The following NAALADL2 variants were observed in gnomAD, a reference collection of about 807,000 sequenced individuals.
NAALADL2 encodes the protein N-acetylated alpha-linked acidic dipeptidase like 2.
NAALADL2 carries 76 observed loss-of-function variants against 87.2 expected under a neutral mutation model. The observed-to-expected ratio is 0.87, with a 90% CI of 0.72 to 1.05. NAALADL2 has a LOEUF of 1.05. NAALADL2 is among the 50% of genes least tolerant of loss of function. The probability of loss-of-function intolerance (pLI) is 0.00; values close to 1 mark genes in which losing one functional copy is unlikely to be tolerated. For missense variants in NAALADL2, 1,089 were observed against 945.8 expected (o/e 1.15, Z -1.99); for synonymous variants, 354 against 331.0 (o/e 1.07, Z -0.75).
chr3:175,441,484 C>G (rs1424176480), intron 5 of NAALADL2, among the ~76,000 whole-genome samples: 3 of 152,110 alleles, frequency 2.0e-5, no homozygotes, highest in Non-Finnish European at 4.4e-5. Flanking sequence ...CAGTGCTGAT[C>G]TAATGTGCAT....
chr3:174,964,331 C>G (rs1237848855), intron 1 of NAALADL2, among the ~76,000 whole-genome samples: 1 of 151,780 alleles, frequency 6.6e-6, no homozygotes, highest in Non-Finnish European at 1.5e-5. Context: ...ATTTAAGAAG[C>G]CTAACAGATA....
intron 4 of NAALADL2, among the ~76,000 whole-genome samples, chr3:175,312,650 A>G (rs1758532113): frequency 6.6e-6 from 1 of 152,190 alleles, no homozygotes; most frequent in Admixed American, 6.5e-5. Context: ...TGAATTCAGA[A>G]AACTCAAGTT....
intron 2 of NAALADL2, among the ~76,000 whole-genome samples, chr3:174,677,292 C>T (rs1257974976): frequency 2.0e-5 from 3 of 151,974 alleles, no homozygotes; most frequent in Non-Finnish European, 4.4e-5. Context: ...TTAAAGTCCT[C>T]TCCTGGGACT....
At chr3:174,652,059 T>G (rs1042722427) in intron 2 of NAALADL2, among the ~76,000 whole-genome samples, 3 of 152,148 alleles carry the variant, frequency 2.0e-5, no homozygotes, top group African/African-American at 7.2e-5. Context: ...TCAAAGAAAG[T>G]TCAGCAAAGC....
intron 2 of NAALADL2, among the ~76,000 whole-genome samples, chr3:175,198,113 A>C (rs1739289662): frequency 1.3e-5 from 2 of 152,132 alleles, no homozygotes; most frequent in African/African-American, 4.8e-5. Flanking sequence ...ATTTAATCAT[A>C]GATCAATAAC....
intron 2 of NAALADL2, among the ~76,000 whole-genome samples, chr3:174,620,371 A>G (rs548985325): frequency 3.4e-4 from 51 of 152,158 alleles, no homozygotes; most frequent in African/African-American, 1.1e-3. Flanking sequence ...TAAAATTTTT[A>G]TGGGAAACAC....
rs533753274 is a variant in NAALADL2, at chr3:175,143,802, T to C, written c.545+46511T>C. On this transcript the variant is annotated intron_variant, in intron 2 of 13. Coordinates refer to ENST00000454872, the MANE Select transcript of NAALADL2 (RefSeq NM_207015.3). ...TTTAATGATGTGGAAGCTGCAGAAA[T>C]GGTTACCTCCTTACGCAATGACATA... Among the ~76,000 whole-genome samples, 14 of 152,036 alleles carry C rather than the reference T, an allele frequency of 9.2e-5. No individual in the cohort carries two copies. The South Asian group carries it at 2.7e-3, about 29-fold the overall frequency.
intron 2 of NAALADL2, among the ~76,000 whole-genome samples, chr3:174,692,595 G>A (rs895792639): frequency 6.6e-6 from 1 of 151,908 alleles, no homozygotes; most frequent in Non-Finnish European, 1.5e-5. Context: ...TTTGGCTTAG[G>A]GCCACTATGG....
intron 2 of NAALADL2, among the ~76,000 whole-genome samples, chr3:174,593,567 G>A (rs1717595696): frequency 7.2e-6 from 1 of 139,350 alleles, no homozygotes; most frequent in Admixed American, 7.9e-5. Flanking sequence ...AAAAACAAGG[G>A]AGAAAGCTGA....
upstream of NAALADL2, among the ~76,000 whole-genome samples, chr3:174,855,466 T>C (rs1024388035): frequency 3.3e-5 from 5 of 152,136 alleles, no homozygotes; most frequent in African/African-American, 4.8e-5. Flanking sequence ...TACCATCATT[T>C]CTTATATCCT....
intron 5 of NAALADL2, among the ~76,000 whole-genome samples, chr3:175,386,177 T>A (rs2149001879): frequency 6.6e-6 from 1 of 152,166 alleles, no homozygotes. Flanking sequence ...TTTGATAGAA[T>A]CATACAAACA....
intron 2 of NAALADL2, among the ~76,000 whole-genome samples, chr3:175,146,418 C>T (rs961355850): frequency 6.6e-6 from 1 of 152,082 alleles, no homozygotes; most frequent in Non-Finnish European, 1.5e-5. Flanking sequence ...TTGAGTTTTA[C>T]AGCCTGAGTT....
intron 1 of NAALADL2, among the ~76,000 whole-genome samples, chr3:174,469,030 T>G (rs1326940268): frequency 6.6e-6 from 1 of 152,196 alleles, no homozygotes; most frequent in African/African-American, 2.4e-5. Flanking sequence ...CCCAAAGTGC[T>G]GGGATTACAG....
At chr3:175,619,002 G>A (rs1284230070) in intron 10 of NAALADL2, among the ~76,000 whole-genome samples, 3 of 152,126 alleles carry the variant, frequency 2.0e-5, no homozygotes, top group Non-Finnish European at 4.4e-5. Flanking sequence ...CCTCAGATCT[G>A]ATTTTCTTTT....
chr3:175,536,035 C>A (rs532317459), intron 9 of NAALADL2, among the ~76,000 whole-genome samples: 21 of 152,146 alleles, frequency 1.4e-4, no homozygotes, highest in African/African-American at 4.1e-4. Context: ...ATAACAAAAC[C>A]CCAACTTTTT....
intron 1 of NAALADL2, among the ~76,000 whole-genome samples, chr3:174,501,223 C>A (rs1027882422): frequency 6.8e-6 from 1 of 147,778 alleles, no homozygotes; most frequent in African/African-American, 2.6e-5. Context: ...GGACTACAGG[C>A]GCCCGCCACT....
intron 1 of NAALADL2, chr3:174,864,236 T>C (rs1452655704): frequency 8.9e-6 from 3 of 335,992 alleles, no homozygotes; most frequent in South Asian, 2.3e-5. Context: ...AAATAGTTAA[T>C]GAAATCAACT....
At chr3:175,308,146 A>G (rs896574121) in intron 4 of NAALADL2, among the ~76,000 whole-genome samples, 3 of 152,198 alleles carry the variant, frequency 2.0e-5, no homozygotes, top group East Asian at 3.9e-4. Context: ...TTATGAAAGA[A>G]GAGAGACATA....
At position 174,768,115 on chromosome 3, in the gene NAALADL2, T is replaced by C. The variant is rs144779962; in HGVS notation, c.-9+30369T>C. ...TGGGGAAAAGAGGTTTTGGAGAACA[T>C]AGAAACCCTTTCTGGCAAGTTATAA... On this transcript the variant is annotated intron_variant, in intron 3 of 3. Transcript: ENST00000434257. Among the ~76,000 whole-genome samples, 16 of 152,312 alleles carry C rather than the reference T, an allele frequency of 1.1e-4. No homozygotes were observed. In the East Asian group the frequency reaches 1.7e-3, roughly 17 times the overall value.
Sources: gnomAD v4.1 joint callset for allele counts (sites outside exome capture counted in the v4.1 genomes callset) on GRCh38, gnomAD v4.1.1 for gene constraint, MANE v1.5 for transcripts, NCBI Gene and HGNC (gene_info 2026-07-23, HGNC 2026-07-21) for gene names.